VPS13D: variants seen among roughly 807,000 people sequenced by gnomAD.
The protein encoded by VPS13D is vacuolar protein sorting 13 homolog D.
In VPS13D, 187 loss-of-function variants were observed where a neutral mutation model predicts 461.9. That is an observed-to-expected ratio of 0.40 (90% CI 0.36 to 0.46). The LOEUF (loss-of-function observed/expected upper bound fraction) is 0.46, where lower values mean the gene tolerates loss of function less well. Ranked by LOEUF, VPS13D falls within the 20% of genes least tolerant of loss-of-function variation. The pLI is 0.60. For synonymous variants in VPS13D, 1,951 were observed against 1,986.3 expected, an observed-to-expected ratio of 0.98 and a Z score of 0.47; for missense variants, 4,711 against 5,364.9, an observed-to-expected ratio of 0.88 and a Z score of 3.81.
Position 12,349,518 on chromosome 1 carries a change from T to A in VPS13D, c.9431+144T>A. On this transcript the variant is annotated intron_variant, in intron 46 of 69. Transcript: ENST00000620676. ...AAGTTCTTATTCCTTGAGTTTTAGT[T>A]AGAGTTCATGAGAACTCAAGTGCTA... The A allele has an allele frequency of 3.3e-6, 3 of 922,578 alleles. No homozygotes were observed. In the South Asian group the frequency reaches 5.3e-5, roughly 16 times the overall value. The allele number at this position is 922,578 out of a possible 1,614,324, so 57.1% of individuals were successfully genotyped here.
chr1:12,339,133 A>T (rs554414869), intron 40 of VPS13D, among the ~76,000 whole-genome samples: 1 of 151,644 alleles, frequency 6.6e-6, no homozygotes, highest in African/African-American at 2.4e-5. Context: ...ACCAGGGTGG[A>T]TGTTTGAGGG....
rs183573015 is a variant in VPS13D, at chr1:12,318,696, G to A, written c.7414+359G>A. On this transcript the variant is annotated intron_variant, in intron 31 of 69. Transcript: ENST00000620676. The stretch of plus-strand genomic sequence containing the variant: ...GGTTTATGGAGTTTAGGCAAGTTTC[G>A]TATGTGAAAACCTCAGTTTTGAAGA... Among the ~76,000 whole-genome samples the A allele has an allele frequency of 1.6e-4, 25 of 152,254 alleles. No homozygotes were observed. In the East Asian group the frequency reaches 1.9e-3, roughly 12 times the overall value.
chr1:12,322,035 G>T lies in VPS13D; in HGVS notation c.7704+71G>T, dbSNP rs1300616612. The T allele has an allele frequency of 2.6e-6, 4 of 1,553,978 alleles. No individual in the cohort carries two copies. The African/African-American group carries it at 4.2e-5, about 16-fold the overall frequency. On this transcript the variant is annotated intron_variant, in intron 33 of 69. Transcript: ENST00000620676. Reference sequence around the variant, plus strand: ...CTGTCCTATGCAGGCACTCTTATTTGCTCTGAGCCCAACAACCTCTTTTTT... The same window carrying T: ...CTGTCCTATGCAGGCACTCTTATTTTCTCTGAGCCCAACAACCTCTTTTTT...
chr1:12,506,117 G>A (rs1372520293), intron 68 of VPS13D, among the ~76,000 whole-genome samples: 1 of 152,200 alleles, frequency 6.6e-6, no homozygotes, highest in East Asian at 1.9e-4. Flanking sequence ...TGCAGGGGAG[G>A]CAGCCAGGCC....
intron 58 of VPS13D, among the ~76,000 whole-genome samples, chr1:12,384,958 G>T (rs1178079137): frequency 6.6e-6 from 1 of 152,118 alleles, no homozygotes; most frequent in East Asian, 1.9e-4. Context: ...AGGCAAAAAT[G>T]AATGCAGTGA....
intron 52 of VPS13D, among the ~76,000 whole-genome samples, chr1:12,367,506 T>C (rs1230931029): frequency 3.3e-5 from 5 of 152,174 alleles, no homozygotes; most frequent in African/African-American, 1.2e-4. Flanking sequence ...TTTCATTCAA[T>C]GGTTTAATGG....
chr1:12,494,444 T>G (rs1645928803), intron 67 of VPS13D, among the ~76,000 whole-genome samples: 1 of 152,188 alleles, frequency 6.6e-6, no homozygotes, highest in African/African-American at 2.4e-5. Flanking sequence ...TAGAAAGCTG[T>G]TTGATCGTGT....
chr1:12,319,781 A>G, intron 32 of VPS13D, 151 bp downstream of exon 32: 2 of 1,159,328 alleles, frequency 1.7e-6, no homozygotes, highest in South Asian at 1.6e-5. Context: ...TTTCTCCCCA[A>G]ATCTACCTGG....
At chr1:12,389,305 A>G (rs1453831756) in intron 60 of VPS13D, among the ~76,000 whole-genome samples, 1 of 152,202 alleles carries the variant, frequency 6.6e-6, no homozygotes, top group African/African-American at 2.4e-5. Flanking sequence ...CCCAGGATCA[A>G]TACTTTGTAT....
chr1:12,464,862 T>A (rs886388868), intron 67 of VPS13D: 1 of 152,268 alleles, frequency 6.6e-6, no homozygotes, highest in Non-Finnish European at 1.5e-5. Context: ...AACGTTCTGC[T>A]GGCTCAGGTT....
intron 67 of VPS13D, among the ~76,000 whole-genome samples, chr1:12,496,058 C>T (rs148640265): frequency 7.7e-4 from 117 of 152,230 alleles, no homozygotes; most frequent in African/African-American, 2.6e-3. Flanking sequence ...TGTAAGCCTG[C>T]GTCTTGAAGG....
At chr1:12,268,082 C>T (rs2101321017) in intron 15 of VPS13D, among the ~76,000 whole-genome samples, 162 bp downstream of exon 15, 1 of 151,994 alleles carries the variant, frequency 6.6e-6, no homozygotes, top group Non-Finnish European at 1.5e-5. Context: ...ATGCCCTTGC[C>T]AGGATTACTG....
chr1:12,307,761 G>A (rs937286208), intron 26 of VPS13D, among the ~76,000 whole-genome samples: 1 of 152,138 alleles, frequency 6.6e-6, no homozygotes, highest in Non-Finnish European at 1.5e-5. Flanking sequence ...CAAAGTGCTG[G>A]GATTACAGGT....
intron 67 of VPS13D, among the ~76,000 whole-genome samples, chr1:12,467,262 C>G (rs1477023193): frequency 6.6e-6 from 1 of 152,224 alleles, no homozygotes; most frequent in Non-Finnish European, 1.5e-5. Flanking sequence ...TCCTCCACCT[C>G]CCGGGTTCAA....
At chr1:12,479,194 A>C (rs115017663) in intron 67 of VPS13D, among the ~76,000 whole-genome samples, 1,569 of 152,334 alleles carry the variant, frequency 0.01, 32 homozygotes, top group African/African-American at 0.036. Flanking sequence ...TGGGCAGACA[A>C]ACAAGGATTT....
intron 67 of VPS13D, among the ~76,000 whole-genome samples, chr1:12,484,619 C>T (rs1645771908): frequency 6.6e-6 from 1 of 152,252 alleles, no homozygotes; most frequent in Non-Finnish European, 1.5e-5. Flanking sequence ...TTGGGAGGCT[C>T]GGAGTGTCCA....
intron 44 of VPS13D, 62 bp downstream of exon 44, chr1:12,346,714 G>C: frequency 1.4e-6 from 2 of 1,443,772 alleles, no homozygotes; most frequent in Non-Finnish European, 1.9e-6. Flanking sequence ...CCTGAATCAT[G>C]TGGATATACA....
chr1:12,357,337 G>A (rs1251316855), intron 49 of VPS13D, among the ~76,000 whole-genome samples: 1 of 152,226 alleles, frequency 6.6e-6, no homozygotes, highest in Non-Finnish European at 1.5e-5. Flanking sequence ...ATTGATGAGA[G>A]TTCTGGATAT....
At chr1:12,322,369 C>T (rs571470269) in intron 33 of VPS13D, among the ~76,000 whole-genome samples, 167 bp from the exon 34 acceptor site, 8 of 152,250 alleles carry the variant, frequency 5.3e-5, no homozygotes, top group Non-Finnish European at 1.0e-4. Context: ...TCTTACCTTA[C>T]GGTTATTAGT....
Sources: allele counts gnomAD v4.1 joint callset (sites outside exome capture counted in the v4.1 genomes callset), GRCh38; gene constraint gnomAD v4.1.1; transcripts MANE v1.5; gene names NCBI Gene and HGNC (gene_info 2026-07-23, HGNC 2026-07-21).